The following ELAVL1 variants were observed in gnomAD, a reference collection of about 807,000 sequenced individuals.
ELAVL1 encodes ELAV like RNA binding protein 1.
A neutral mutation model predicts 28.4 loss-of-function variants in ELAVL1; 1 was observed. The observed-to-expected ratio is 0.04, with a 90% confidence interval of 0.01 to 0.17. ELAVL1 has a LOEUF of 0.17. Among genes scored for constraint, ELAVL1 ranks in the 10% least tolerant of loss-of-function variants. ELAVL1 has a pLI of 1.00. For missense variants in ELAVL1, 157 were observed against 447.2 expected (o/e 0.35, Z 5.85); for synonymous variants, 174 against 183.5 (o/e 0.95, Z 0.42).
At chr19:7,997,566 G>A (rs1473324053) in intron 1 of ELAVL1, among the ~76,000 whole-genome samples, 1 of 152,120 alleles carries the variant, frequency 6.6e-6, no homozygotes, top group East Asian at 1.9e-4. Context: ...TCTTTATTAT[G>A]GTGGTAATCA....
chr19:7,975,143 G>A (rs1425373407), intron 3 of ELAVL1, among the ~76,000 whole-genome samples: 2 of 152,186 alleles, frequency 1.3e-5, no homozygotes, highest in Non-Finnish European at 2.9e-5. Flanking sequence ...CCATGATGTG[G>A]GTCAGGGGCT....
intron 1 of ELAVL1, among the ~76,000 whole-genome samples, chr19:7,996,650 C>T (rs1191667004): frequency 6.6e-6 from 1 of 151,170 alleles, no homozygotes; most frequent in Non-Finnish European, 1.5e-5. Context: ...TACAAAAATA[C>T]AACAAAAAAA....
At position 7,960,364 on chromosome 19, in the gene ELAVL1, C is replaced by T. The variant is rs1431056747; in HGVS notation, c.*3119G>A. On this transcript the variant is annotated 3_prime_UTR_variant, in exon 6 of 6. Coordinates refer to ENST00000407627, the MANE Select transcript of ELAVL1 (RefSeq NM_001419.3). ...AGAAGGTGGCGGAACCCACCCAGCA[C>T]CACCTGCGGGCGGGCCCCCGAGGAA... 1 of 152,224 alleles carries T rather than the reference C, an allele frequency of 6.6e-6. No homozygotes were observed. Among genetic ancestry groups the T allele is most frequent in the African/African-American group, 2.4e-5 (1 of 41,434 alleles). The allele number at this position is 152,224 out of a possible 1,614,324, so 9.4% of individuals were successfully genotyped here. A position where few individuals can be genotyped will look rare whatever the true frequency, so the allele number is the denominator to read the frequency against.
chr19:7,965,877 G>A (rs1209217726), intron 5 of ELAVL1, among the ~76,000 whole-genome samples: 17 of 152,248 alleles, frequency 1.1e-4, no homozygotes, highest in South Asian at 2.1e-4. Flanking sequence ...GCTCCATTCC[G>A]TCCAGAGAAG....
In ELAVL1 at chr19:7,961,120, C is replaced by T. The variant is rs971376395; in HGVS notation, c.*2363G>A. 6.6e-6 allele frequency: 1 copy of T among 152,256 alleles called. No homozygotes were observed. The highest frequency in any genetic ancestry group is 1.5e-5 in the Non-Finnish European group (1 of 68,054). The allele number at this position is 152,256 out of a possible 1,614,324, so 9.4% of individuals were successfully genotyped here. A position where few individuals can be genotyped will look rare whatever the true frequency, so the allele number is the denominator to read the frequency against. ...TCATATACTTCACAGTTTCTTCTCA[C>T]CTGTCCCAGCATCAGAATAATTGAT... On this transcript the variant is annotated 3_prime_UTR_variant, in exon 6 of 6. Coordinates refer to ENST00000407627, the MANE Select transcript of ELAVL1 (RefSeq NM_001419.3).
chr19:7,996,043 A>AT (rs1247015772), intron 1 of ELAVL1, among the ~76,000 whole-genome samples: 1 of 151,642 alleles, frequency 6.6e-6, no homozygotes, highest in Non-Finnish European at 1.5e-5. Context: ...CTTCTGGCTA[A>AT]TTTTTTATTT....
At chr19:7,968,838 A>G (rs1186869212) in intron 4 of ELAVL1, among the ~76,000 whole-genome samples, 1 of 152,132 alleles carries the variant, frequency 6.6e-6, no homozygotes, top group Non-Finnish European at 1.5e-5. Context: ...TCCCTTGAGG[A>G]ACCTGGGAAG....
chr19:7,996,656 A>C (rs1050207042), intron 1 of ELAVL1, among the ~76,000 whole-genome samples: 1 of 151,922 alleles, frequency 6.6e-6, no homozygotes, highest in Non-Finnish European at 1.5e-5. Context: ...AATACAACAA[A>C]AAAAAAATTA....
intron 1 of ELAVL1, among the ~76,000 whole-genome samples, chr19:8,002,502 T>C (rs1176302904): frequency 1.3e-5 from 2 of 152,206 alleles, no homozygotes; most frequent in African/African-American, 4.8e-5. Flanking sequence ...CAGGCTGGCT[T>C]CCGTTGGTCT....
chr19:7,987,939 A>G (rs1173595240), intron 2 of ELAVL1, among the ~76,000 whole-genome samples: 1 of 152,060 alleles, frequency 6.6e-6, no homozygotes, highest in East Asian at 1.9e-4. Context: ...CGGTTTGAGG[A>G]GGGGAGTGAC....
intron 5 of ELAVL1, among the ~76,000 whole-genome samples, chr19:7,967,273 G>C (rs1462447441): frequency 3.9e-5 from 6 of 152,154 alleles, no homozygotes; most frequent in Non-Finnish European, 8.8e-5. Flanking sequence ...GGGCTCAATC[G>C]ATCTTCCTCT....
rs532836657 is a variant in ELAVL1 at position 7,959,633 on chromosome 19, G to A, written c.*3850C>T. On this transcript the variant is annotated 3_prime_UTR_variant, in exon 6 of 6. Coordinates refer to ENST00000407627, the MANE Select transcript of ELAVL1 (RefSeq NM_001419.3). The stretch of plus-strand genomic sequence containing the variant: ...GTAGAAAAATAGGATCCAGCCATTA[G>A]AGGTCAGGGGAAATCAAAAAGGTTT... 6.6e-6 allele frequency: 1 copy of A among 152,198 alleles called. No individual in the cohort carries two copies. The highest frequency in any genetic ancestry group is 2.4e-5 in the African/African-American group (1 of 41,442). 9.4% of individuals were successfully genotyped at this position (152,198 alleles called of 1,614,324 possible).
chr19:7,968,363 G>A (rs1243395123), intron 4 of ELAVL1, among the ~76,000 whole-genome samples: 2 of 152,194 alleles, frequency 1.3e-5, no homozygotes, highest in African/African-American at 4.8e-5. Flanking sequence ...AGGGTCCTGT[G>A]GCCACCCCCT....
intron 5 of ELAVL1, among the ~76,000 whole-genome samples, chr19:7,966,754 G>C (rs182327847): frequency 1.3e-5 from 2 of 150,672 alleles, no homozygotes; most frequent in East Asian, 4.0e-4. Flanking sequence ...TGAGTAGCTG[G>C]GACTAAAGGC....
In ELAVL1 at chr19:8,002,131, C is replaced by T. The variant is rs763651310; in HGVS notation, c.-17+3364G>A. 6.2e-6 allele frequency: 8 copies of T among 1,289,332 alleles called. No homozygotes were observed. In the South Asian group the frequency reaches 7.4e-5, roughly 12 times the overall value. 79.9% of individuals were successfully genotyped at this position (1,289,332 alleles called of 1,614,324 possible). On this transcript the variant is annotated intron_variant, in intron 1 of 5. Coordinates refer to ENST00000407627, the MANE Select transcript of ELAVL1 (RefSeq NM_001419.3). ...CCACTACCCATCTCAGCCTTCTTGT[C>T]CCTAAAGAACCCACGTGGTTCTTTG...
rs182065718 is a variant in ELAVL1, at chr19:7,982,413, A to G, written c.173-1227T>C. ...CAGGAGGTGGCCTGGAGCCCCACTG[A>G]GGCAGAGATCCTCCTGGCAGCTGGG... On this transcript the variant is annotated intron_variant, in intron 2 of 5. Coordinates refer to ENST00000407627, the MANE Select transcript of ELAVL1 (RefSeq NM_001419.3). The surrounding 1 kb of genome is among the most constrained non-coding windows in gnomAD (Gnocchi z 4.3). Among the ~76,000 whole-genome samples, 6 of 152,308 alleles carry G rather than the reference A, an allele frequency of 3.9e-5. No homozygotes were observed. The highest frequency in any genetic ancestry group is 1.4e-4 in the African/African-American group (6 of 41,572).
In ELAVL1 at chr19:7,963,645, C is replaced by T; in HGVS notation, c.819G>A (p.Val273=). 1 of 1,614,278 alleles carries T rather than the reference C, an allele frequency of 6.2e-7. No homozygotes were observed. The highest frequency in any genetic ancestry group is 1.3e-5 in the African/African-American group (1 of 75,074). ...TGGTGTTGAAGTCGCGGATCACTTT[C>T]ACATTGGTGACGGCACCAAACGGCC... is the stretch of plus-strand genomic sequence containing the variant. ...MFGPFGAVTN[V]KVIRDFNTNK... Residue 273 remains valine (V), a synonymous_variant, in exon 6 of 6, where the codon GTG becomes GTA. Coordinates refer to ENST00000407627, the MANE Select transcript of ELAVL1 (RefSeq NM_001419.3). The surrounding 1 kb of genome is among the most constrained non-coding windows in gnomAD (Gnocchi z 4.5).
intron 1 of ELAVL1, among the ~76,000 whole-genome samples, chr19:8,000,182 A>C (rs1882449931): frequency 6.6e-6 from 1 of 152,148 alleles, no homozygotes; most frequent in African/African-American, 2.4e-5. Context: ...TCAGCCTCCC[A>C]AGCACTGGGC....
At chr19:8,004,029 A>C (rs1568319235) in intron 1 of ELAVL1, among the ~76,000 whole-genome samples, 1 of 152,200 alleles carries the variant, frequency 6.6e-6, no homozygotes, top group Non-Finnish European at 1.5e-5. Flanking sequence ...AGTGCATGAG[A>C]CTGGTCACAT....
Sources: gnomAD v4.1 joint callset for allele counts (sites outside exome capture counted in the v4.1 genomes callset) on GRCh38, gnomAD v4.1.1 for gene constraint, Gnocchi (gnomAD v3.1) non-coding constraint, MANE v1.5 for transcripts, NCBI Gene and HGNC (gene_info 2026-07-23, HGNC 2026-07-21) for gene names.